The following CUL4B variants were observed in gnomAD, a reference collection of about 807,000 sequenced individuals.
CUL4B encodes the protein cullin-4B.
CUL4B carries 1 observed loss-of-function variant against 69.2 expected under a neutral mutation model. The ratio of observed to expected loss-of-function variants is 0.01; its 90% CI spans 0.01 to 0.07. The LOEUF is 0.07. Ranked by LOEUF, CUL4B falls within the 10% of genes least tolerant of loss-of-function variation. The pLI is 1.00. For synonymous variants in CUL4B, 237 were observed against 223.2 expected, an observed-to-expected ratio of 1.06 and a Z score of -0.55; for missense variants, 328 against 638.8, an observed-to-expected ratio of 0.51 and a Z score of 5.24.
At chrX:120,561,094 T>C (rs1310200933), upstream of CUL4B, 3 of 1,000,248 alleles carry the variant, frequency 3.0e-6, no homozygotes, top group Non-Finnish European at 3.8e-6. Flanking sequence ...GATGGCGCCA[T>C]TTCCGGTCAC....
chrX:120,555,864 C>G (rs747875273), intron 2 of CUL4B, among the ~76,000 whole-genome samples: 2 of 105,282 alleles, frequency 1.9e-5, no homozygotes, highest in South Asian at 8.8e-4. Context: ...ATCACTTGAG[C>G]CCGGGAGGTG....
intron 12 of CUL4B, 123 bp from the exon 13 acceptor site, chrX:120,538,893 AGTTTG>A: frequency 2.1e-6 from 1 of 483,094 alleles, no homozygotes; most frequent in Non-Finnish European, 3.5e-6. Flanking sequence ...ATTTTATTTA[AGTTTG>A]TTAAATGCAA....
chrX:120,570,976 G>A (rs1925692504), downstream of CUL4B, among the ~76,000 whole-genome samples: 1 of 101,229 alleles, frequency 9.9e-6, no homozygotes, highest in South Asian at 5.1e-4. Context: ...AGGATCGCTT[G>A]AGCCCAGGAG....
At chrX:120,574,105 C>G (rs375437194) in intron 2 of CUL4B, among the ~76,000 whole-genome samples, 1 of 108,801 alleles carries the variant, frequency 9.2e-6, no homozygotes, top group East Asian at 2.9e-4. Context: ...CACCTGCCCC[C>G]CTCTGCCCCA....
At chrX:120,559,604 C>T (rs757084217) in intron 1 of CUL4B, among the ~76,000 whole-genome samples, 3 of 112,132 alleles carry the variant, frequency 2.7e-5, no homozygotes, top group Non-Finnish European at 5.6e-5. Flanking sequence ...TTCATGAATA[C>T]AGTATAAATC....
intron 2 of CUL4B, among the ~76,000 whole-genome samples, chrX:120,547,770 C>T (rs1469223719): frequency 9.0e-6 from 1 of 111,366 alleles, no homozygotes; most frequent in Non-Finnish European, 1.9e-5. Context: ...AAGGCAGATC[C>T]ATCCTTAACC....
intron 4 of CUL4B, among the ~76,000 whole-genome samples, chrX:120,545,969 T>A (rs980386914): frequency 2.7e-5 from 3 of 109,762 alleles, no homozygotes; most frequent in Non-Finnish European, 5.7e-5. Context: ...CTGAATAAAC[T>A]AAAACACAGG....
In CUL4B at chrX:120,544,182, G is replaced by C. The variant is rs748696316; in HGVS notation, c.1105C>G (p.Gln369Glu). The C allele has an allele frequency of 8.3e-7, 1 of 1,199,408 alleles. No homozygotes were observed. Among genetic ancestry groups the C allele is most frequent in the African/African-American group, 1.7e-5 (1 of 57,536 alleles). ...DLQIYQDSFEQRFLEETNRLY... is the reference protein window; with the variant it reads ...DLQIYQDSFEERFLEETNRLY... The stretch of plus-strand genomic sequence containing the variant: ...CGGTTAGTTTCTTCCAAAAATCGTT[G>C]TTCAAAAGAATCTTGATAAATCTGG... The change falls in exon 7 of 20, where the codon CAA (glutamine) becomes GAA (glutamate). Residue 369 changes from glutamine (Q) to glutamate (E), a missense_variant. Gln to Glu is a conservative substitution (Grantham distance 29). Transcript: ENST00000371322.
intron 2 of CUL4B, among the ~76,000 whole-genome samples, chrX:120,555,854 A>G (rs1264337410): frequency 2.8e-5 from 3 of 105,445 alleles, no homozygotes; most frequent in Non-Finnish European, 5.8e-5. Flanking sequence ...AGGCAAGAGG[A>G]TCACTTGAGC....
At chrX:120,559,910 C>T in intron 1 of CUL4B, 173 bp downstream of exon 1, 1 of 1,138,864 alleles carries the variant, frequency 8.8e-7, no homozygotes, top group Non-Finnish European at 1.2e-6. Context: ...AGGATCCTAA[C>T]CACCCCCGGA....
At chrX:120,562,064 G>A (rs1256383517), upstream of CUL4B, among the ~76,000 whole-genome samples, 5 of 110,989 alleles carry the variant, frequency 4.5e-5, no homozygotes, top group Admixed American at 4.8e-4. Flanking sequence ...GAAATGGAAA[G>A]GTAACTAACC....
upstream of CUL4B, chrX:120,561,291 G>A (rs755459703): frequency 4.3e-5 from 23 of 538,307 alleles, no homozygotes; most frequent in South Asian, 3.4e-4. Flanking sequence ...TCCTGGCAGC[G>A]CCTTCCTTCC....
rs748894655 is a variant in CUL4B, at chrX:120,526,767, A to G, written c.2682T>C (p.Ile894=). The G allele has an allele frequency of 4.3e-6, 5 of 1,170,033 alleles. No homozygotes were observed. The Admixed American group carries it at 6.6e-5, about 15-fold the overall frequency. ...DKENPNQYNY[I]A ...ATGCTGCAAGGCCAACATTCTATGCAATATAGTTGTACTGGTTTGGATTTT... is the reference window on the plus strand; with the variant it reads ...ATGCTGCAAGGCCAACATTCTATGCGATATAGTTGTACTGGTTTGGATTTT... Residue 894 remains isoleucine (I), a synonymous_variant, in exon 20 of 20, where the codon ATT becomes ATC. Transcript: ENST00000371322.
chrX:120,545,701 T>A lies in CUL4B; in HGVS notation c.847-184A>T, dbSNP rs745587992. 3.3e-3 allele frequency among the ~76,000 whole-genome samples: 363 copies of A among 111,138 alleles called. 1 individual carries two copies. Among genetic ancestry groups the A allele is most frequent in the African/African-American group, 0.012 (354 of 30,622 alleles). On this transcript the variant is annotated intron_variant, in intron 4 of 19. Coordinates refer to ENST00000371322, the MANE Select transcript of CUL4B (RefSeq NM_001079872.2). ...ATAGTTTTTATTACTCAACAGTCAA[T>A]CCTTTTTGTGTTTTCTAGAAAAAAG...
In CUL4B at chrX:120,553,619, G is replaced by C. The variant is rs185104475; in HGVS notation, c.672+4305C>G. On this transcript the variant is annotated intron_variant, in intron 2 of 19. Coordinates refer to ENST00000371322, the MANE Select transcript of CUL4B (RefSeq NM_001079872.2). ...AAGGTAGCTGATCTTAAACACTGTAGTAGGCCAGACATGGTGGTTCATGCC... is the reference window on the plus strand; with the variant it reads ...AAGGTAGCTGATCTTAAACACTGTACTAGGCCAGACATGGTGGTTCATGCC... Among the ~76,000 whole-genome samples, 365 of 111,468 alleles carry C rather than the reference G, an allele frequency of 3.3e-3. 1 individual carries two copies. The highest frequency in any genetic ancestry group is 0.012 in the African/African-American group (355 of 30,683).
intron 19 of CUL4B, among the ~76,000 whole-genome samples, chrX:120,527,492 C>T (rs1345605401): frequency 9.0e-6 from 1 of 110,733 alleles, no homozygotes; most frequent in Non-Finnish European, 1.9e-5. Flanking sequence ...GTAATCCCCC[C>T]AGCCTCAGCC....
At chrX:120,544,741 C>T in intron 5 of CUL4B, 98 bp from the exon 6 acceptor site, 1 of 677,862 alleles carries the variant, frequency 1.5e-6, no homozygotes, top group Non-Finnish European at 2.3e-6. Flanking sequence ...CTAATTAGGG[C>T]TCCAGGGCTT....
At chrX:120,531,723 G>A (rs1276776343) in intron 18 of CUL4B, among the ~76,000 whole-genome samples, 1 of 111,277 alleles carries the variant, frequency 9.0e-6, no homozygotes, top group Non-Finnish European at 1.9e-5. Context: ...GCCTCCCAAG[G>A]TACTGGGATT....
intron 19 of CUL4B, among the ~76,000 whole-genome samples, chrX:120,528,439 A>C (rs757756585): frequency 9.3e-6 from 1 of 107,316 alleles, no homozygotes; most frequent in African/African-American, 3.4e-5. Flanking sequence ...ATTTAAAAGA[A>C]TACTGGACAG....
Sources: gnomAD v4.1 joint callset for allele counts (sites outside exome capture counted in the v4.1 genomes callset) on GRCh38, gnomAD v4.1.1 for gene constraint, MANE v1.5 for transcripts, NCBI Gene and HGNC (gene_info 2026-07-23, HGNC 2026-07-21) for gene names.